Variants in LYST observed in about 807,000 individuals in gnomAD.
LYST encodes the protein lysosomal trafficking regulator, also known as lysosomal-trafficking regulator.
Under a neutral mutation model 413.6 loss-of-function variants are expected in LYST, and 192 were observed. The observed-to-expected ratio is 0.46, with a 90% CI of 0.41 to 0.52. The LOEUF (loss-of-function observed/expected upper bound fraction) is 0.52. Ranked by LOEUF, LYST falls within the 20% of genes least tolerant of loss-of-function variation. The pLI, the probability that LYST is intolerant of heterozygous loss-of-function variation, is 0.00. For missense variants in LYST, 3,815 were observed against 4,499.9 expected (o/e 0.85, Z 4.35); for synonymous variants, 1,525 against 1,567.3 (o/e 0.97, Z 0.64).
intron 10 of LYST, among the ~76,000 whole-genome samples, chr1:235,796,970 T>C (rs1671617334): frequency 6.6e-6 from 1 of 152,176 alleles, no homozygotes; most frequent in Admixed American, 6.5e-5. Flanking sequence ...TAAAAAGGCA[T>C]ATAATAACAA....
chr1:235,736,848 A>G (rs556098939), intron 31 of LYST: 2 of 44,678 alleles, frequency 4.5e-5, no homozygotes, highest in East Asian at 4.4e-4. Flanking sequence ...TCTTCAACAG[A>G]AAAAAAAAGT....
At chr1:235,853,500 A>G (rs1272621149) in intron 1 of LYST, among the ~76,000 whole-genome samples, 2 of 152,190 alleles carry the variant, frequency 1.3e-5, no homozygotes, top group Non-Finnish European at 2.9e-5. Context: ...AACTAAAAAA[A>G]AAAACATGTA....
intron 46 of LYST, among the ~76,000 whole-genome samples, chr1:235,694,176 A>AT (rs968941122): frequency 1.2e-3 from 181 of 147,602 alleles, no homozygotes; most frequent in African/African-American, 3.5e-3. Flanking sequence ...TGCCCGGCTG[A>AT]TTTTTTTTTT....
chr1:235,706,541 C>T (rs1662002255), intron 44 of LYST, among the ~76,000 whole-genome samples: 1 of 152,184 alleles, frequency 6.6e-6, no homozygotes, highest in Admixed American at 6.5e-5. Flanking sequence ...CCACATAAAA[C>T]TTGCATTAAA....
intron 47 of LYST, among the ~76,000 whole-genome samples, chr1:235,693,143 G>A (rs185663512): frequency 3.9e-4 from 60 of 152,018 alleles, no homozygotes; most frequent in East Asian, 1.7e-3. Context: ...ATGAAATCCC[G>A]TCTCTACTAA....
intron 6 of LYST, 26 bp from the exon 7 acceptor site, chr1:235,804,691 A>T (rs773017624): frequency 7.5e-7 from 1 of 1,326,302 alleles, no homozygotes; most frequent in East Asian, 2.3e-5. Context: ...AGAGACTAAG[A>T]ATATTAATAA....
chr1:235,837,927 A>G (rs1676744668), intron 1 of LYST, among the ~76,000 whole-genome samples: 1 of 152,270 alleles, frequency 6.6e-6, no homozygotes, highest in South Asian at 2.1e-4. Flanking sequence ...ATGTTTCTCT[A>G]ACAGAGAAAG....
chr1:235,797,104 T>C (rs907626994), intron 10 of LYST, among the ~76,000 whole-genome samples: 3 of 152,158 alleles, frequency 2.0e-5, no homozygotes, highest in African/African-American at 4.8e-5. Flanking sequence ...AGTTACCATA[T>C]GACACAAAAT....
In LYST at chr1:235,731,085, C is replaced by T; in HGVS notation, c.8894G>A (p.Cys2965Tyr). Residue 2965 changes from cysteine (C) to tyrosine (Y), a missense_variant, in exon 35 of 53, where the codon TGT (cysteine) becomes TAT (tyrosine). Around this residue, in one of 4 missense-constraint regions of LYST, gnomAD observed 866 missense variants for 1,156.0 expected, o/e 0.75. Coordinates refer to ENST00000389793, the MANE Select transcript of LYST (RefSeq NM_000081.4). The part of the protein sequence containing the change: ...PNRERRRLQR[C>Y]YLTIPNKYLL... ...ATACTTATTTGGAATAGTTAAATAA[C>T]ATCTCTGTAAACGTCTCCTCTCTCG... 1 of 1,613,662 alleles carries T rather than the reference C, an allele frequency of 6.2e-7. No individual in the cohort carries two copies. Among genetic ancestry groups the T allele is most frequent in the Non-Finnish European group, 8.5e-7 (1 of 1,179,586 alleles).
chr1:235,855,506 C>T (rs1679066617), intron 1 of LYST, among the ~76,000 whole-genome samples: 1 of 152,066 alleles, frequency 6.6e-6, no homozygotes, highest in Non-Finnish European at 1.5e-5. Context: ...CTTATTCATA[C>T]TGTTAAAGAT....
Position 235,730,607 on chromosome 1 carries a change from GTGTGTGTA to G in LYST, c.9044+232_9044+239del, listed in dbSNP as rs780312388. ...TGTGTGTGTGTGTGTGTGTGTGTGT[GTGTGTGTA>G]TATGTAAACTAACAAGGGCCAGAAC... is the stretch of plus-strand genomic sequence containing the variant. On this transcript the variant is annotated intron_variant, in intron 36 of 52. Coordinates refer to ENST00000389793, the MANE Select transcript of LYST (RefSeq NM_000081.4). Among the ~76,000 whole-genome samples the G allele has an allele frequency of 3.3e-3, 297 of 89,034 alleles. 1 individual carries two copies. The highest frequency in any genetic ancestry group is 6.3e-3 in the Middle Eastern group (1 of 160). 58.4% of individuals were successfully genotyped at this position (89,034 alleles called of 152,430 possible).
intron 31 of LYST, 63 bp from the exon 32 acceptor site, chr1:235,734,722 AGT>A: frequency 1.9e-6 from 2 of 1,070,628 alleles, no homozygotes; most frequent in African/African-American, 1.6e-5. Context: ...TAAATTACTT[AGT>A]AGTAATTAAA....
At chr1:235,826,615 T>C (rs1675364700) in intron 3 of LYST, among the ~76,000 whole-genome samples, 1 of 152,158 alleles carries the variant, frequency 6.6e-6, no homozygotes, top group Admixed American at 6.5e-5. Context: ...ATGACAAAAC[T>C]TTCTAAGGTG....
intron 50 of LYST, among the ~76,000 whole-genome samples, chr1:235,668,544 T>A (rs887834832): frequency 1.2e-4 from 19 of 152,208 alleles, no homozygotes; most frequent in African/African-American, 3.9e-4. Context: ...CTGAATACCC[T>A]ACTAGTGAGT....
rs80338664 is a variant in LYST at position 235,733,859 on chromosome 1, C to A, written c.8583G>T (p.Trp2861Cys). ...ETEEGVNKAAWQKTVNNNQQS... is the reference protein window; with the variant it reads ...ETEEGVNKAACQKTVNNNQQS... ...GTTGATTATTGTTAACTGTTTTCTGCCAAGCAGCTTTATTCACTCCTTCTT... is the reference window on the plus strand; with the variant it reads ...GTTGATTATTGTTAACTGTTTTCTGACAAGCAGCTTTATTCACTCCTTCTT... The change falls in exon 33 of 53, where the codon TGG (tryptophan) becomes TGT (cysteine). Residue 2861 changes from tryptophan (W) to cysteine (C), a missense_variant. Trp to Cys is a radical substitution (Grantham distance 215). Coordinates refer to ENST00000389793, the MANE Select transcript of LYST (RefSeq NM_000081.4). 1.2e-6 allele frequency: 2 copies of A among 1,604,292 alleles called. No individual in the cohort carries two copies. The highest frequency in any genetic ancestry group is 2.7e-5 in the African/African-American group (2 of 74,646).
At chr1:235,774,078 A>C (rs1668979211) in intron 18 of LYST, 87 bp from the exon 19 acceptor site, 2 of 887,948 alleles carry the variant, frequency 2.3e-6, no homozygotes, top group Admixed American at 3.8e-5. Flanking sequence ...CAATTTTAGC[A>C]ATCATTAAAT....
At chr1:235,693,614 T>C in intron 46 of LYST, 128 bp from the exon 47 acceptor site, 1 of 954,952 alleles carries the variant, frequency 1.0e-6, no homozygotes, top group South Asian at 1.4e-5. Context: ...AGACCATCTT[T>C]AAATCTCTAA....
intron 3 of LYST, among the ~76,000 whole-genome samples, chr1:235,824,136 T>C (rs1339001081): frequency 1.3e-5 from 2 of 152,254 alleles, no homozygotes; most frequent in Non-Finnish European, 1.5e-5. Flanking sequence ...ACATAGAAAA[T>C]AGCCAAAGAT....
At chr1:235,673,127 G>GA (rs1659084941) in intron 50 of LYST, among the ~76,000 whole-genome samples, 1 of 152,118 alleles carries the variant, frequency 6.6e-6, no homozygotes, top group Admixed American at 6.6e-5. Context: ...CCCGAGTCAA[G>GA]AAAGCACTGC....
Sources: gnomAD v4.1 joint callset for allele counts (sites outside exome capture counted in the v4.1 genomes callset) on GRCh38, gnomAD v4.1.1 for gene constraint, gnomAD v4.1.1 regional missense constraint, MANE v1.5 for transcripts, NCBI Gene and HGNC (gene_info 2026-07-23, HGNC 2026-07-21) for gene names.